The following ADAMTSL1 variants were observed in gnomAD, a reference collection of about 807,000 sequenced individuals.
The protein encoded by ADAMTSL1 is ADAMTS like 1, also known as ADAMTS-like protein 1.
ADAMTSL1 carries 126 observed loss-of-function variants against 201.8 expected under a neutral mutation model. The ratio of observed to expected loss-of-function variants is 0.62; its 90% CI spans 0.54 to 0.72. The LOEUF (loss-of-function observed/expected upper bound fraction) is 0.72, where lower values mean the gene tolerates loss of function less well. ADAMTSL1 is among the 30% of genes least tolerant of loss of function. ADAMTSL1 has a pLI of 0.00. For synonymous variants in ADAMTSL1, 1,121 were observed against 903.4 expected (o/e 1.24, Z -4.32); for missense variants, 2,679 against 2,277.8 (o/e 1.18, Z -3.59).
At chr9:18,146,068 A>T (rs1175269044) in intron 1 of ADAMTSL1, among the ~76,000 whole-genome samples, 3 of 152,138 alleles carry the variant, frequency 2.0e-5, no homozygotes, top group Non-Finnish European at 4.4e-5. Context: ...AAATCCAAAA[A>T]CTAGTCAATA....
intron 2 of ADAMTSL1, among the ~76,000 whole-genome samples, chr9:18,224,894 T>A (rs1022891728): frequency 2.0e-5 from 3 of 152,176 alleles, no homozygotes; most frequent in Non-Finnish European, 4.4e-5. Context: ...TGTTCCGTAA[T>A]TTATTTTCCA....
chr9:18,107,226 G>C (rs1212314690), intron 1 of ADAMTSL1, among the ~76,000 whole-genome samples: 1 of 152,140 alleles, frequency 6.6e-6, no homozygotes, highest in Non-Finnish European at 1.5e-5. Flanking sequence ...CACATCTCAG[G>C]CTATGATACT....
intron 15 of ADAMTSL1, among the ~76,000 whole-genome samples, chr9:18,726,476 A>C (rs2133454121): frequency 6.6e-6 from 1 of 151,984 alleles, no homozygotes; most frequent in Middle Eastern, 3.4e-3. Context: ...ACACCACTAC[A>C]CTATTGCCTG....
At chr9:18,723,472 T>C (rs1014038422) in intron 15 of ADAMTSL1, 1 of 215,492 alleles carries the variant, frequency 4.6e-6, no homozygotes, top group Non-Finnish European at 9.4e-6. Context: ...GGACATGAGA[T>C]GTTACTTCTC....
chr9:18,902,937 G>T (rs1472691682), intron 26 of ADAMTSL1, among the ~76,000 whole-genome samples: 1 of 152,188 alleles, frequency 6.6e-6, no homozygotes. Context: ...AGGCACGGTG[G>T]CTCATACCTG....
At chr9:18,398,753 G>T (rs1001922982) in intron 2 of ADAMTSL1, among the ~76,000 whole-genome samples, 8 of 152,172 alleles carry the variant, frequency 5.3e-5, no homozygotes, top group Non-Finnish European at 2.9e-5. Context: ...GTCACTGAAG[G>T]GTTTTATAGG....
intron 10 of ADAMTSL1, 142 bp from the exon 11 acceptor site, chr9:18,680,170 A>G (rs1220899853): frequency 2.1e-5 from 16 of 758,280 alleles, no homozygotes; most frequent in Middle Eastern, 7.6e-4. Flanking sequence ...GTTTCAGGCA[A>G]TAGATGGCTT....
chr9:18,634,835 CAA>C (rs201005171), intron 5 of ADAMTSL1, among the ~76,000 whole-genome samples: 933 of 66,330 alleles, frequency 0.014, 8 homozygotes, highest in Admixed American at 0.021. Context: ...CGAGATTCCT[CAA>C]AAAAAAAAAA....
Position 18,544,757 on chromosome 9 carries a change from C to T in ADAMTSL1, c.237+11465C>T, listed in dbSNP as rs113507440. Among the ~76,000 whole-genome samples, 201 of 152,278 alleles carry T rather than the reference C, an allele frequency of 1.3e-3. 2 individuals are homozygous for T. Among genetic ancestry groups the T allele is most frequent in the African/African-American group, 4.1e-3 (171 of 41,554 alleles). On this transcript the variant is annotated intron_variant, in intron 3 of 28. Transcript: ENST00000380548. Reference sequence around the variant, plus strand: ...AATAGGAATGCCTACTTGGCCAACCCGTAATTTCCCTCAATATTGCCATGA... The same window carrying T: ...AATAGGAATGCCTACTTGGCCAACCTGTAATTTCCCTCAATATTGCCATGA...
chr9:18,840,529 G>C (rs537516317), intron 23 of ADAMTSL1, among the ~76,000 whole-genome samples: 107 of 152,156 alleles, frequency 7.0e-4, no homozygotes, highest in African/African-American at 2.5e-3. Flanking sequence ...GCTCTTTTTT[G>C]GTTCCATATG....
intron 1 of ADAMTSL1, among the ~76,000 whole-genome samples, chr9:18,120,588 T>C (rs1179787638): frequency 6.6e-6 from 1 of 152,192 alleles, no homozygotes; most frequent in African/African-American, 2.4e-5. Context: ...TTCTGTGTAA[T>C]ACCAGGTATT....
intron 19 of ADAMTSL1, among the ~76,000 whole-genome samples, chr9:18,794,353 G>A (rs1223835577): frequency 6.6e-6 from 1 of 151,338 alleles, no homozygotes; most frequent in East Asian, 1.9e-4. Context: ...AGACTGCAGT[G>A]AGCTGTGTTT....
At chr9:18,660,925 A>G (rs1483898983) in intron 8 of ADAMTSL1, among the ~76,000 whole-genome samples, 1 of 152,158 alleles carries the variant, frequency 6.6e-6, no homozygotes, top group Non-Finnish European at 1.5e-5. Flanking sequence ...ATCTTTTGCA[A>G]GTCCCTTAAT....
At chr9:18,279,948 G>A (rs78653901) in intron 2 of ADAMTSL1, among the ~76,000 whole-genome samples, 458 of 152,132 alleles carry the variant, frequency 3.0e-3, no homozygotes, top group African/African-American at 9.3e-3. Context: ...CTCAATCCAC[G>A]TGCTTGCCTA....
chr9:18,142,652 C>T (rs560059727), intron 1 of ADAMTSL1, among the ~76,000 whole-genome samples: 2 of 152,228 alleles, frequency 1.3e-5, no homozygotes, highest in East Asian at 3.9e-4. Flanking sequence ...AGATTTTTAA[C>T]ACGGAAGTCA....
intron 2 of ADAMTSL1, among the ~76,000 whole-genome samples, chr9:18,166,589 A>T (rs1341517719): frequency 6.6e-6 from 1 of 151,938 alleles, no homozygotes; most frequent in Non-Finnish European, 1.5e-5. Flanking sequence ...GCCAACTGGA[A>T]ATTGATAGTT....
intron 16 of ADAMTSL1, among the ~76,000 whole-genome samples, chr9:18,765,546 G>T (rs1243451636): frequency 6.6e-6 from 1 of 152,146 alleles, no homozygotes; most frequent in Non-Finnish European, 1.5e-5. Flanking sequence ...ATTGTAAAAT[G>T]TCACTCCACT....
At chr9:18,579,308 A>G (rs541797231) in intron 4 of ADAMTSL1, among the ~76,000 whole-genome samples, 1 of 139,458 alleles carries the variant, frequency 7.2e-6, no homozygotes, top group Non-Finnish European at 1.5e-5. Flanking sequence ...GATCACATGG[A>G]CACAGGAAGG....
In ADAMTSL1 at chr9:18,302,408, A is replaced by T. The variant is rs534485155; in HGVS notation, c.207+138427A>T. Reference sequence around the variant, plus strand: ...CCTTCAGTATGCTGGGGCAAAAAAAAGTTGAGTGCTGTTGCATACTACTTA... The same window carrying T: ...CCTTCAGTATGCTGGGGCAAAAAAATGTTGAGTGCTGTTGCATACTACTTA... On this transcript the variant is annotated intron_variant, in intron 2 of 29. Transcript: ENST00000680146. Among the ~76,000 whole-genome samples the T allele has an allele frequency of 7.2e-5, 11 of 152,322 alleles. 1 individual carries two copies. The South Asian group carries it at 2.1e-3, about 29-fold the overall frequency.
Sources: gnomAD v4.1 joint callset for allele counts (sites outside exome capture counted in the v4.1 genomes callset) on GRCh38, gnomAD v4.1.1 for gene constraint, MANE v1.5 for transcripts, NCBI Gene and HGNC (gene_info 2026-07-23, HGNC 2026-07-21) for gene names.